TMEM132D: variants seen among roughly 807,000 people sequenced by gnomAD.
TMEM132D encodes the protein transmembrane protein 132D.
In TMEM132D, 21 loss-of-function variants were observed where a neutral mutation model predicts 62.3. The observed-to-expected ratio is 0.34, with a 90% confidence interval of 0.24 to 0.49. The LOEUF is 0.49. Ranked by LOEUF, TMEM132D falls within the 20% of genes least tolerant of loss-of-function variation. The pLI is 0.99. For missense variants in TMEM132D, 1,346 were observed against 1,402.8 expected (o/e 0.96, Z 0.65); for synonymous variants, 621 against 575.6 (o/e 1.08, Z -1.13).
Position 129,081,937 on chromosome 12 carries a change from T to C in TMEM132D, c.1745A>G (p.Gln582Arg), listed in dbSNP as rs527912776. 6.2e-7 allele frequency: 1 copy of C among 1,614,032 alleles called. No homozygotes were observed. Among genetic ancestry groups the C allele is most frequent in the Non-Finnish European group, 8.5e-7 (1 of 1,180,030 alleles). ...YQHAMVRVLTQFVAEAAGPGG... is the reference protein window; with the variant it reads ...YQHAMVRVLTRFVAEAAGPGG... ...AGGGCCGGCCGCCTCAGCCACAAAC[T>C]GCGTCAGGACCCGCACCATGGCGTG... Residue 582 changes from glutamine (Q) to arginine (R), a missense_variant, in exon 7 of 9, where the codon CAG (glutamine) becomes CGG (arginine). Transcript: ENST00000422113.
chr12:129,585,623 T>C (rs1340127729), intron 2 of TMEM132D, among the ~76,000 whole-genome samples: 1 of 152,232 alleles, frequency 6.6e-6, no homozygotes, highest in African/African-American at 2.4e-5. Flanking sequence ...GATTTCCAAG[T>C]TTGATTTTTC....
At chr12:129,429,367 T>TTTTG (rs71082712) in intron 3 of TMEM132D, among the ~76,000 whole-genome samples, 23,381 of 151,684 alleles carry the variant, frequency 0.15, 2,030 homozygotes, top group East Asian at 0.27. Flanking sequence ...CTTTATAGTT[T>TTTTG]TTTGTTTGTT....
intron 4 of TMEM132D, among the ~76,000 whole-genome samples, chr12:129,266,406 C>A (rs1437687613): frequency 2.6e-5 from 4 of 151,080 alleles, no homozygotes; most frequent in Non-Finnish European, 5.9e-5. Flanking sequence ...CTTCTCTCCT[C>A]TTCTCTTCTC....
chr12:129,870,509 T>C (rs1243915931), intron 1 of TMEM132D, among the ~76,000 whole-genome samples: 3 of 152,228 alleles, frequency 2.0e-5, no homozygotes, highest in Non-Finnish European at 2.9e-5. Flanking sequence ...TCTTAATGTG[T>C]TGAGCATGAT....
chr12:129,412,541 A>T (rs1284946703), intron 3 of TMEM132D, among the ~76,000 whole-genome samples: 1 of 152,122 alleles, frequency 6.6e-6, no homozygotes, highest in Non-Finnish European at 1.5e-5. Flanking sequence ...CCTACAGAGA[A>T]GGAAGAAGAG....
chr12:129,874,214 C>T (rs79166286), intron 1 of TMEM132D, among the ~76,000 whole-genome samples: 4,166 of 152,228 alleles, frequency 0.027, 186 homozygotes, highest in African/African-American at 0.094. Flanking sequence ...AATAGCTTGA[C>T]TTATCCACTC....
At chr12:129,261,695 C>T (rs762225226) in intron 4 of TMEM132D, among the ~76,000 whole-genome samples, 5 of 152,146 alleles carry the variant, frequency 3.3e-5, no homozygotes, top group Non-Finnish European at 5.9e-5. Context: ...CCTTGGCTTG[C>T]AGATGGCCTT....
intron 2 of TMEM132D, among the ~76,000 whole-genome samples, chr12:129,621,682 T>C (rs1018836250): frequency 2.6e-5 from 4 of 152,178 alleles, no homozygotes; most frequent in East Asian, 1.9e-4. Flanking sequence ...ATTCCAACCA[T>C]TATGCCAGCC....
At chr12:129,184,661 A>C (rs1366854639) in intron 5 of TMEM132D, among the ~76,000 whole-genome samples, 1 of 152,130 alleles carries the variant, frequency 6.6e-6, no homozygotes, top group African/African-American at 2.4e-5. Flanking sequence ...AGAAGATACA[A>C]CTTGCGCTCT....
At chr12:129,832,226 A>G (rs942331180) in intron 1 of TMEM132D, among the ~76,000 whole-genome samples, 9 of 151,182 alleles carry the variant, frequency 6.0e-5, no homozygotes, top group African/African-American at 1.9e-4. Context: ...AAGGAACAGG[A>G]GGAAGAGATA....
At chr12:129,364,626 T>C (rs147809742) in intron 3 of TMEM132D, among the ~76,000 whole-genome samples, 1 of 152,332 alleles carries the variant, frequency 6.6e-6, no homozygotes, top group East Asian at 1.9e-4. Flanking sequence ...TACCTCACTT[T>C]GTCTGGCATT....
intron 5 of TMEM132D, among the ~76,000 whole-genome samples, chr12:129,143,339 T>C (rs1022085007): frequency 6.1e-4 from 93 of 152,130 alleles, no homozygotes; most frequent in African/African-American, 2.1e-3. Flanking sequence ...GGGTGAAGCA[T>C]GGGGGAGGGG....
Position 129,703,447 on chromosome 12 carries a change from G to T in TMEM132D, c.80-2749C>A, listed in dbSNP as rs974217005. On this transcript the variant is annotated intron_variant, in intron 1 of 8. Coordinates refer to ENST00000422113, the MANE Select transcript of TMEM132D (RefSeq NM_133448.3). ...TAAAATTGCTCCATTTTGACCTAAAGCTAGTGTCACTTCCTTTCTTTTTTT... is the reference window on the plus strand; with the variant it reads ...TAAAATTGCTCCATTTTGACCTAAATCTAGTGTCACTTCCTTTCTTTTTTT... Among the ~76,000 whole-genome samples, 9 of 141,720 alleles carry T rather than the reference G, an allele frequency of 6.4e-5. No individual in the cohort carries two copies. The Admixed American group carries it at 6.9e-4, about 11-fold the overall frequency. The allele number at this position is 141,720 out of a possible 152,430, so 93.0% of individuals were successfully genotyped here. A position where few individuals can be genotyped will look rare whatever the true frequency, so the allele number is the denominator to read the frequency against.
intron 3 of TMEM132D, among the ~76,000 whole-genome samples, chr12:129,395,770 A>C (rs1336124003): frequency 6.7e-6 from 1 of 148,696 alleles, no homozygotes; most frequent in Non-Finnish European, 1.5e-5. Context: ...ATATATATCT[A>C]TATACTAATC....
At chr12:129,305,205 A>G (rs1407160379) in intron 4 of TMEM132D, among the ~76,000 whole-genome samples, 2 of 152,242 alleles carry the variant, frequency 1.3e-5, no homozygotes, top group African/African-American at 4.8e-5. Flanking sequence ...TATTGGTTGA[A>G]TTGAAAAATA....
At chr12:129,823,864 A>G (rs1427830127) in intron 1 of TMEM132D, among the ~76,000 whole-genome samples, 1 of 152,252 alleles carries the variant, frequency 6.6e-6, no homozygotes, top group African/African-American at 2.4e-5. Context: ...TTGTTAAAAC[A>G]TAATATGGTG....
At chr12:129,337,571 C>T (rs112209339) in intron 4 of TMEM132D, 63 bp downstream of exon 4, 383 of 1,593,072 alleles carry the variant, frequency 2.4e-4, no homozygotes, top group Non-Finnish European at 2.8e-4. Context: ...GGACTCAGTG[C>T]GGCGCCGGCG....
chr12:129,768,858 C>T (rs4760011), intron 1 of TMEM132D, among the ~76,000 whole-genome samples: 143,854 of 152,310 alleles, frequency 0.94, 68,238 homozygotes, highest in Non-Finnish European at 1. Flanking sequence ...TCAGGTGATA[C>T]AGATATATCG....
At chr12:129,442,588 G>A (rs754209212) in intron 3 of TMEM132D, among the ~76,000 whole-genome samples, 24 of 150,574 alleles carry the variant, frequency 1.6e-4, no homozygotes, top group South Asian at 8.6e-4. Flanking sequence ...CTTCCGTCTT[G>A]TCACAGAGTA....
Sources: allele counts gnomAD v4.1 joint callset (sites outside exome capture counted in the v4.1 genomes callset), GRCh38; gene constraint gnomAD v4.1.1; transcripts MANE v1.5; gene names NCBI Gene and HGNC (gene_info 2026-07-23, HGNC 2026-07-21).